CSMD1: variants seen among roughly 807,000 people sequenced by gnomAD.
CSMD1 encodes CUB and Sushi multiple domains 1.
Under a neutral mutation model 417.5 loss-of-function variants are expected in CSMD1, and 213 were observed. The ratio of observed to expected loss-of-function variants is 0.51; its 90% CI spans 0.46 to 0.57. The LOEUF (loss-of-function observed/expected upper bound fraction) is 0.57. CSMD1 is among the 20% of genes least tolerant of loss of function. The pLI, the probability that CSMD1 is intolerant of heterozygous loss-of-function variation, is 0.00. For missense variants in CSMD1, 6,923 were observed against 4,529.7 expected, an observed-to-expected ratio of 1.53 and a Z score of -15.17; for synonymous variants, 2,862 against 1,736.8, an observed-to-expected ratio of 1.65 and a Z score of -16.11.
At chr8:4,679,494 T>A (rs1297891729) in intron 1 of CSMD1, among the ~76,000 whole-genome samples, 1 of 152,210 alleles carries the variant, frequency 6.6e-6, no homozygotes, top group Non-Finnish European at 1.5e-5. Context: ...TATTCTAGAA[T>A]TTCATGAGTC....
intron 2 of CSMD1, among the ~76,000 whole-genome samples, chr8:4,467,910 G>A (rs1334728261): frequency 1.3e-5 from 2 of 152,162 alleles, no homozygotes. Flanking sequence ...TGGTTTTTGG[G>A]ATCCAAACAG....
At chr8:4,539,394 C>A (rs1047921826) in intron 2 of CSMD1, among the ~76,000 whole-genome samples, 8 of 152,186 alleles carry the variant, frequency 5.3e-5, no homozygotes, top group African/African-American at 1.9e-4. Context: ...AGTGTTCCCA[C>A]AGAATCATCA....
chr8:3,031,301 C>A (rs146447656), intron 50 of CSMD1, among the ~76,000 whole-genome samples: 1,060 of 105,396 alleles, frequency 0.01, 13 homozygotes, highest in African/African-American at 0.033. Context: ...ACATCACACT[C>A]TGGGGACTGT....
At chr8:3,567,229 G>T (rs1281617840) in intron 10 of CSMD1, among the ~76,000 whole-genome samples, 2 of 151,972 alleles carry the variant, frequency 1.3e-5, no homozygotes, top group African/African-American at 4.8e-5. Context: ...GAAAGTACAT[G>T]GACACAAAGA....
At chr8:4,252,624 T>C (rs1371928763) in intron 3 of CSMD1, among the ~76,000 whole-genome samples, 2 of 152,216 alleles carry the variant, frequency 1.3e-5, no homozygotes, top group East Asian at 1.9e-4. Context: ...AACCCAAATA[T>C]AGTCTCCAGA....
At chr8:3,493,560 T>G (rs1483936927) in intron 11 of CSMD1, 63 bp downstream of exon 11, 1 of 1,382,066 alleles carries the variant, frequency 7.2e-7, no homozygotes, top group Non-Finnish European at 1.0e-6. Context: ...CAGAATCTCA[T>G]CTCCACCCAC....
At chr8:4,193,222 T>C (rs1413138000) in intron 3 of CSMD1, among the ~76,000 whole-genome samples, 2 of 152,174 alleles carry the variant, frequency 1.3e-5, no homozygotes, top group Non-Finnish European at 2.9e-5. Flanking sequence ...AAGTTGTAGC[T>C]GCCACAAACG....
rs139590037 is a variant in CSMD1, at chr8:4,701,947, T to C, written c.86-64389A>G. The stretch of plus-strand genomic sequence containing the variant: ...GCAGCCATAAAAAGGAATGAGATCA[T>C]GTCCTTTGCAGGGGCATGGATGGAG... On this transcript the variant is annotated intron_variant, in intron 1 of 69. Coordinates refer to ENST00000635120, the MANE Select transcript of CSMD1 (RefSeq NM_033225.6). Among the ~76,000 whole-genome samples the C allele has an allele frequency of 9.2e-3, 1,396 of 152,286 alleles. 11 individuals carry two copies. Among genetic ancestry groups the C allele is most frequent in the Non-Finnish European group, 0.013 (852 of 68,026 alleles).
chr8:4,079,656 G>A (rs548030765), intron 3 of CSMD1, among the ~76,000 whole-genome samples: 4 of 152,316 alleles, frequency 2.6e-5, no homozygotes, highest in African/African-American at 4.8e-5. Flanking sequence ...CATTGTTTCA[G>A]CGTTCTTGTG....
intron 1 of CSMD1, among the ~76,000 whole-genome samples, chr8:4,638,845 A>C (rs1340426959): frequency 6.6e-6 from 1 of 152,180 alleles, no homozygotes; most frequent in East Asian, 1.9e-4. Context: ...GCAGTGTCTG[A>C]GGAACTGATT....
At chr8:4,697,388 T>A (rs898346763) in intron 1 of CSMD1, among the ~76,000 whole-genome samples, 3 of 152,144 alleles carry the variant, frequency 2.0e-5, no homozygotes, top group African/African-American at 7.2e-5. Context: ...TTTAAGTGGC[T>A]ACTTTACATG....
At chr8:3,110,119 T>C (rs1167001703) in intron 43 of CSMD1, 39 bp downstream of exon 43, 1 of 1,513,112 alleles carries the variant, frequency 6.6e-7, no homozygotes, top group African/African-American at 1.4e-5. Context: ...GAATTGTTGA[T>C]CACAATTACA....
intron 21 of CSMD1, among the ~76,000 whole-genome samples, chr8:3,351,564 T>A (rs1268296571): frequency 9.3e-5 from 14 of 150,020 alleles, no homozygotes; most frequent in African/African-American, 3.4e-4. Flanking sequence ...CCAACTACAT[T>A]TCAGCCTGGG....
At chr8:3,694,839 A>G (rs1800458633) in intron 7 of CSMD1, among the ~76,000 whole-genome samples, 1 of 152,004 alleles carries the variant, frequency 6.6e-6, no homozygotes, top group African/African-American at 2.4e-5. Context: ...ATGAGCCAGG[A>G]CATGAAGCAA....
chr8:3,895,912 G>T (rs920672232), intron 5 of CSMD1, among the ~76,000 whole-genome samples: 1 of 152,202 alleles, frequency 6.6e-6, no homozygotes, highest in Non-Finnish European at 1.5e-5. Context: ...TGCACACTCA[G>T]GTGGGAGAGG....
intron 26 of CSMD1, among the ~76,000 whole-genome samples, chr8:3,261,286 C>T (rs1319398763): frequency 6.6e-6 from 1 of 152,136 alleles, no homozygotes; most frequent in African/African-American, 2.4e-5. Context: ...AATGGTACAG[C>T]CATTCTGGAA....
intron 52 of CSMD1, among the ~76,000 whole-genome samples, chr8:3,016,485 T>G (rs968107125): frequency 1.3e-5 from 2 of 152,240 alleles, no homozygotes; most frequent in African/African-American, 4.8e-5. Context: ...ATATGCTTCA[T>G]TACCATGCTT....
chr8:3,717,761 G>C (rs1020731721), intron 6 of CSMD1, among the ~76,000 whole-genome samples: 5 of 152,076 alleles, frequency 3.3e-5, no homozygotes, highest in African/African-American at 1.2e-4. Context: ...TGACCTCTTT[G>C]AACAGTTTTC....
intron 1 of CSMD1, among the ~76,000 whole-genome samples, chr8:4,722,501 G>C (rs926414004): frequency 2.0e-5 from 3 of 151,966 alleles, no homozygotes; most frequent in African/African-American, 4.8e-5. Flanking sequence ...ATTAGGACTT[G>C]GGAGGATTGC....
Sources: allele counts gnomAD v4.1 joint callset (sites outside exome capture counted in the v4.1 genomes callset), GRCh38; gene constraint gnomAD v4.1.1; transcripts MANE v1.5; gene names NCBI Gene and HGNC (gene_info 2026-07-23, HGNC 2026-07-21).